ATRNL1: variants seen among roughly 807,000 people sequenced by gnomAD.
The protein encoded by ATRNL1 is attractin-like protein 1.
Under a neutral mutation model 182.7 loss-of-function variants are expected in ATRNL1, and 95 were observed. That is an observed-to-expected ratio of 0.52 (90% CI 0.44 to 0.62). ATRNL1 has a LOEUF of 0.62. Among genes scored for constraint, ATRNL1 ranks in the 20% least tolerant of loss-of-function variants. The probability of loss-of-function intolerance (pLI) is 0.00; values close to 1 mark genes in which losing one functional copy is unlikely to be tolerated. For synonymous variants in ATRNL1, 576 were observed against 568.3 expected, an observed-to-expected ratio of 1.01 and a Z score of -0.19; for missense variants, 1,471 against 1,679.5, an observed-to-expected ratio of 0.88 and a Z score of 2.17.
intron 26 of ATRNL1, among the ~76,000 whole-genome samples, chr10:115,604,662 A>G (rs1856781764): frequency 6.6e-6 from 1 of 152,108 alleles, no homozygotes; most frequent in Admixed American, 6.6e-5. Context: ...CCCTTCCTAC[A>G]TCACAGGCTA....
chr10:115,599,652 T>C (rs1164440434), intron 26 of ATRNL1, among the ~76,000 whole-genome samples: 1 of 152,276 alleles, frequency 6.6e-6, no homozygotes, highest in African/African-American at 2.4e-5. Context: ...TTTTTCACCA[T>C]CACTGCAAAC....
intron 20 of ATRNL1, among the ~76,000 whole-genome samples, chr10:115,411,849 C>A (rs1554959969): frequency 6.6e-6 from 1 of 151,926 alleles, no homozygotes; most frequent in Admixed American, 6.6e-5. Flanking sequence ...CATGTTCATA[C>A]CTCAAGTAAA....
chr10:115,254,080 G>A (rs1851005987), intron 10 of ATRNL1, among the ~76,000 whole-genome samples: 1 of 152,178 alleles, frequency 6.6e-6, no homozygotes, highest in Non-Finnish European at 1.5e-5. Context: ...ATTGTGAATA[G>A]TACCGCAGTA....
At chr10:115,321,671 C>CTTTTTTTTTTTT (rs528619167) in intron 18 of ATRNL1, among the ~76,000 whole-genome samples, 1 of 125,824 alleles carries the variant, frequency 7.9e-6, no homozygotes. Context: ...AAGGTGAAAG[C>CTTTTTTTTTTTT]TTTTTTTTTT....
intron 27 of ATRNL1, among the ~76,000 whole-genome samples, chr10:115,833,748 A>G (rs1950608272): frequency 6.6e-6 from 1 of 152,194 alleles, no homozygotes; most frequent in African/African-American, 2.4e-5. Context: ...GCAGTTAAGA[A>G]TTAATTCTAG....
chr10:115,495,794 C>A (rs187226568), intron 24 of ATRNL1, among the ~76,000 whole-genome samples: 10 of 151,420 alleles, frequency 6.6e-5, no homozygotes, highest in Middle Eastern at 3.4e-3. Context: ...AGAATATATT[C>A]TTTTGTTTTT....
chr10:115,580,373 A>G (rs1555006844), intron 26 of ATRNL1, among the ~76,000 whole-genome samples: 1 of 152,054 alleles, frequency 6.6e-6, no homozygotes, highest in Non-Finnish European at 1.5e-5. Flanking sequence ...TTTGCTGGGT[A>G]TAGATGGCAA....
chr10:115,921,023 A>T (rs1043482295), intron 28 of ATRNL1, among the ~76,000 whole-genome samples: 10 of 152,224 alleles, frequency 6.6e-5, no homozygotes, highest in African/African-American at 2.4e-4. Context: ...CTTCTACAGT[A>T]TCAAATAATG....
chr10:115,580,434 T>C (rs566142933), intron 26 of ATRNL1, among the ~76,000 whole-genome samples: 1 of 152,104 alleles, frequency 6.6e-6, no homozygotes, highest in Non-Finnish European at 1.5e-5. Context: ...TTCTGGCCTG[T>C]AATGTTTCTA....
At chr10:115,830,934 C>CT (rs1281168628) in intron 27 of ATRNL1, among the ~76,000 whole-genome samples, 1 of 145,878 alleles carries the variant, frequency 6.9e-6, no homozygotes, top group Non-Finnish European at 1.5e-5. Context: ...AGTTTTACAG[C>CT]TTTACAACAC....
Position 115,717,981 on chromosome 10 carries a change from G to A in ATRNL1, c.3796-9267G>A, listed in dbSNP as rs114238284. The stretch of plus-strand genomic sequence containing the variant: ...TTTCTGATAATGAGTTGTATCACTT[G>A]TGGGCTGAAGCACTGAAAAGTCCGT... On this transcript the variant is annotated intron_variant, in intron 26 of 28. Transcript: ENST00000355044. Among the ~76,000 whole-genome samples the A allele has an allele frequency of 6.9e-3, 1,049 of 152,250 alleles. 13 individuals carry two copies. Among genetic ancestry groups the A allele is most frequent in the African/African-American group, 0.024 (977 of 41,546 alleles).
chr10:115,625,557 C>A (rs950778984), intron 26 of ATRNL1, among the ~76,000 whole-genome samples: 9 of 152,096 alleles, frequency 5.9e-5, no homozygotes, highest in South Asian at 4.2e-4. Context: ...AAAAAATAGA[C>A]CATGAATATT....
At chr10:115,734,356 A>G (rs984926142) in intron 27 of ATRNL1, among the ~76,000 whole-genome samples, 1 of 152,094 alleles carries the variant, frequency 6.6e-6, no homozygotes, top group African/African-American at 2.4e-5. Context: ...TGCAACTGTT[A>G]ATTTGATACA....
intron 27 of ATRNL1, among the ~76,000 whole-genome samples, chr10:115,834,472 G>A (rs1950625095): frequency 6.6e-6 from 1 of 152,042 alleles, no homozygotes; most frequent in East Asian, 1.9e-4. Flanking sequence ...CTTCTCCCTT[G>A]CCTCTCAGAC....
At chr10:115,902,793 C>T (rs1952394717) in intron 28 of ATRNL1, among the ~76,000 whole-genome samples, 1 of 152,168 alleles carries the variant, frequency 6.6e-6, no homozygotes, top group South Asian at 2.1e-4. Context: ...AGGAGGAACT[C>T]AGCAATGAGA....
rs539448680 is a variant in ATRNL1, at chr10:115,642,707, A to G, written c.3796-84541A>G. On this transcript the variant is annotated intron_variant, in intron 26 of 28. Transcript: ENST00000355044. ...TGATCCGCCCGCCTTGGCCTCCCAA[A>G]GTGCTGGGATTACAGGCCTGAACCA... Among the ~76,000 whole-genome samples, 21 of 152,314 alleles carry G rather than the reference A, an allele frequency of 1.4e-4. 1 individual carries two copies. In the East Asian group the frequency reaches 4.1e-3, roughly 29 times the overall value.
chr10:115,342,964 C>T lies in ATRNL1; in HGVS notation c.3175+8545C>T, dbSNP rs142545705. Among the ~76,000 whole-genome samples the T allele has an allele frequency of 4.5e-3, 688 of 152,232 alleles. 4 individuals are homozygous for T. Among genetic ancestry groups the T allele is most frequent in the African/African-American group, 0.016 (660 of 41,548 alleles). ...CATTGTCTCCCGGCCCATAAGGTTT[C>T]CACTGAACAGTCTGCCGCCAGATGT... On this transcript the variant is annotated intron_variant, in intron 19 of 28. Transcript: ENST00000355044.
At chr10:115,760,330 T>C (rs1555073255) in intron 27 of ATRNL1, among the ~76,000 whole-genome samples, 2 of 142,944 alleles carry the variant, frequency 1.4e-5, no homozygotes, top group East Asian at 3.8e-4. Flanking sequence ...TTTATTGTGA[T>C]GACATGACAT....
At chr10:115,168,265 T>C (rs1453614780) in intron 7 of ATRNL1, among the ~76,000 whole-genome samples, 2 of 152,162 alleles carry the variant, frequency 1.3e-5, no homozygotes, top group African/African-American at 4.8e-5. Context: ...TTTTGGCTAT[T>C]ATGAATAATG....
Sources: gnomAD v4.1 joint callset for allele counts (sites outside exome capture counted in the v4.1 genomes callset) on GRCh38, gnomAD v4.1.1 for gene constraint, MANE v1.5 for transcripts, NCBI Gene and HGNC (gene_info 2026-07-23, HGNC 2026-07-21) for gene names.